Variants in CUBN observed in about 807,000 individuals in gnomAD.
CUBN encodes the protein 460 kDa receptor.
In CUBN, 282 loss-of-function variants were observed where a neutral mutation model predicts 405.3. The ratio of observed to expected loss-of-function variants is 0.70; its 90% confidence interval spans 0.63 to 0.77. CUBN has a LOEUF of 0.77. Among genes scored for constraint, CUBN ranks in the 30% least tolerant of loss-of-function variants. The pLI is 0.00. For synonymous variants in CUBN, 1,684 were observed against 1,617.0 expected, an observed-to-expected ratio of 1.04 and a Z score of -0.99; for missense variants, 4,514 against 4,475.2, an observed-to-expected ratio of 1.01 and a Z score of -0.25.
Position 17,127,592 on chromosome 10 carries a change from C to T in CUBN, c.348+237G>A, listed in dbSNP as rs143893127. On this transcript the variant is annotated intron_variant, in intron 3 of 66. Coordinates refer to ENST00000377833, the MANE Select transcript of CUBN (RefSeq NM_001081.4). The stretch of plus-strand genomic sequence containing the variant: ...TAATCATCCATTCACTTGCAGTGAG[C>T]CACTGCTCCCAGCCCAAGGCCTACT... Among the ~76,000 whole-genome samples the T allele has an allele frequency of 8.1e-3, 1,227 of 152,156 alleles. 21 individuals are homozygous for T. The highest frequency in any genetic ancestry group is 0.027 in the African/African-American group (1,132 of 41,518).
intron 28 of CUBN, among the ~76,000 whole-genome samples, chr10:16,993,666 T>C (rs1833655227): frequency 6.6e-6 from 1 of 151,796 alleles, no homozygotes; most frequent in Admixed American, 6.6e-5. Flanking sequence ...TCTTTTTCTT[T>C]TCTTTTTTTT....
chr10:17,076,404 G>A (rs1835854413), intron 17 of CUBN, among the ~76,000 whole-genome samples: 1 of 147,274 alleles, frequency 6.8e-6, no homozygotes, highest in Non-Finnish European at 1.5e-5. Flanking sequence ...TTCATCAAAT[G>A]TTCTAAAGTG....
At chr10:16,991,272 G>A (rs746843271) in intron 28 of CUBN, among the ~76,000 whole-genome samples, 7 of 152,254 alleles carry the variant, frequency 4.6e-5, no homozygotes, top group Middle Eastern at 3.4e-3. Context: ...TTCTGTTTCC[G>A]TACTCATAAG....
At chr10:16,843,336 G>A (rs1839413191) in intron 60 of CUBN, among the ~76,000 whole-genome samples, 1 of 152,166 alleles carries the variant, frequency 6.6e-6, no homozygotes, top group South Asian at 2.1e-4. Flanking sequence ...TCATAACAGA[G>A]CTATGTGTTC....
chr10:16,972,657 C>A (rs760226413), intron 31 of CUBN, among the ~76,000 whole-genome samples: 3 of 151,954 alleles, frequency 2.0e-5, no homozygotes, highest in East Asian at 1.9e-4. Flanking sequence ...AACTCCTGAG[C>A]TCAAACAATT....
chr10:16,874,362 T>A lies in CUBN; in HGVS notation c.9236+12A>T. On this transcript the variant is annotated intron_variant, in intron 58 of 66. Coordinates refer to ENST00000377833, the MANE Select transcript of CUBN (RefSeq NM_001081.4). ...AAGGATTTTCTTAAGAAAGCCAATT[T>A]GTCTTACGTACTTGAGCTCGATCAC... The A allele has an allele frequency of 6.2e-7, 1 of 1,614,140 alleles. No individual in the cohort carries two copies. The highest frequency in any genetic ancestry group is 8.5e-7 in the Non-Finnish European group (1 of 1,179,972).
chr10:17,127,212 TTCTC>T (rs138178923), intron 3 of CUBN, among the ~76,000 whole-genome samples: 6 of 109,626 alleles, frequency 5.5e-5, no homozygotes, highest in African/African-American at 1.1e-4. Flanking sequence ...CTGTCTTTCT[TTCTC>T]TCTCTCTCTC....
intron 22 of CUBN, among the ~76,000 whole-genome samples, chr10:17,049,072 G>A (rs1278559183): frequency 1.3e-5 from 2 of 152,202 alleles, no homozygotes; most frequent in Non-Finnish European, 2.9e-5. Flanking sequence ...ATGCTTCTCT[G>A]TAGTCTGCCA....
chr10:17,051,496 T>C (rs1588612343), intron 22 of CUBN, among the ~76,000 whole-genome samples: 1 of 152,090 alleles, frequency 6.6e-6, no homozygotes, highest in South Asian at 2.1e-4. Flanking sequence ...GTGTTAGATT[T>C]AAAAGAGAAA....
intron 31 of CUBN, among the ~76,000 whole-genome samples, chr10:16,974,747 C>A (rs1833042204): frequency 6.6e-6 from 1 of 152,180 alleles, no homozygotes; most frequent in East Asian, 1.9e-4. Context: ...GTCTCTGCCA[C>A]CCCTGAGACA....
In CUBN at chr10:16,997,440, A is replaced by T. The variant is rs567513814; in HGVS notation, c.4169-6925T>A. 2.1e-3 allele frequency among the ~76,000 whole-genome samples: 325 copies of T among 151,506 alleles called. 2 individuals carry two copies. The highest frequency in any genetic ancestry group is 7.6e-3 in the African/African-American group (312 of 41,324). ...CAGAGTGAGACTCCATCTAAAAAAA[A>T]AAAAAAAAAGGCAGCTTGTGGAGGA... On this transcript the variant is annotated intron_variant, in intron 28 of 66. Transcript: ENST00000377833.
At chr10:16,948,046 T>C (rs1842831898) in intron 35 of CUBN, among the ~76,000 whole-genome samples, 1 of 152,154 alleles carries the variant, frequency 6.6e-6, no homozygotes, top group South Asian at 2.1e-4. Flanking sequence ...TCGTCTCTAC[T>C]AAAAATACAA....
chr10:17,088,273 C>T lies in CUBN; in HGVS notation c.1838G>A (p.Gly613Glu). Reference protein sequence around the residue: ...SPGYPGNYPPGRDCVWIVVTS... With the variant: ...SPGYPGNYPPERDCVWIVVTS... ...TACAACAATCCAGACACAATCTCTTCCTGGGGGATAGTTTCCAGGATACCC... is the reference window on the plus strand; with the variant it reads ...TACAACAATCCAGACACAATCTCTTTCTGGGGGATAGTTTCCAGGATACCC... Residue 613 changes from glycine to glutamate, a missense_variant, in exon 15 of 67, where the codon GGA becomes GAA. Coordinates refer to ENST00000377833, the MANE Select transcript of CUBN (RefSeq NM_001081.4). The T allele has an allele frequency of 6.2e-7, 1 of 1,613,724 alleles. No individual in the cohort carries two copies. Among genetic ancestry groups the T allele is most frequent in the Non-Finnish European group, 8.5e-7 (1 of 1,179,662 alleles).
chr10:17,038,901 T>C (rs1834955929), intron 27 of CUBN, among the ~76,000 whole-genome samples: 2 of 152,140 alleles, frequency 1.3e-5, no homozygotes, highest in Admixed American at 1.3e-4. Flanking sequence ...ACAAGAGAAA[T>C]GGCATGACCA....
chr10:17,025,847 T>C (rs1302508301), intron 27 of CUBN, among the ~76,000 whole-genome samples: 1 of 152,076 alleles, frequency 6.6e-6, no homozygotes, highest in Admixed American at 6.6e-5. Context: ...CCAAGGCGAA[T>C]CATCCTGTGT....
chr10:16,826,428 T>C (rs1375312045), intron 66 of CUBN, among the ~76,000 whole-genome samples: 1 of 152,206 alleles, frequency 6.6e-6, no homozygotes, highest in Non-Finnish European at 1.5e-5. Flanking sequence ...ATGTAAATAT[T>C]AGTAAAATAT....
chr10:17,096,656 T>C (rs1836381058), intron 14 of CUBN, among the ~76,000 whole-genome samples: 1 of 152,084 alleles, frequency 6.6e-6, no homozygotes, highest in Admixed American at 6.6e-5. Flanking sequence ...CCAACTTGAC[T>C]AAGTTAATAT....
chr10:17,072,404 A>T (rs1333531957), intron 17 of CUBN, among the ~76,000 whole-genome samples: 1 of 152,136 alleles, frequency 6.6e-6, no homozygotes, highest in East Asian at 1.9e-4. Flanking sequence ...GATGAAAGAG[A>T]GAGAAAGTAA....
At chr10:17,115,361 A>T in intron 7 of CUBN, 110 bp downstream of exon 7, 1 of 1,386,142 alleles carries the variant, frequency 7.2e-7, no homozygotes, top group South Asian at 1.2e-5. Context: ...ACAGGAAGTG[A>T]CTTCACCTCT....
Sources: gnomAD v4.1 joint callset for allele counts (sites outside exome capture counted in the v4.1 genomes callset) on GRCh38, gnomAD v4.1.1 for gene constraint, MANE v1.5 for transcripts, NCBI Gene and HGNC (gene_info 2026-07-23, HGNC 2026-07-21) for gene names.